Variants in COL5A2 observed in about 807,000 individuals in gnomAD.
COL5A2 encodes collagen alpha-2(V) chain.
A neutral mutation model predicts 208.2 loss-of-function variants in COL5A2; 23 were observed. The ratio of observed to expected loss-of-function variants is 0.11; its 90% CI spans 0.08 to 0.16. The LOEUF (loss-of-function observed/expected upper bound fraction) is 0.16, where lower values mean the gene tolerates loss of function less well. Among genes scored for constraint, COL5A2 ranks in the 10% least tolerant of loss-of-function variants. COL5A2 has a pLI of 1.00. For synonymous variants in COL5A2, 625 were observed against 628.5 expected, an observed-to-expected ratio of 0.99 and a Z score of 0.08; for missense variants, 1,590 against 1,956.4, an observed-to-expected ratio of 0.81 and a Z score of 3.53.
chr2:189,043,108 T>C, intron 48 of COL5A2, 43 bp downstream of exon 48: 1 of 1,440,146 alleles, frequency 6.9e-7, no homozygotes, highest in Non-Finnish European at 9.7e-7. Context: ...TACCCGTGTA[T>C]TTTCAACTAC....
At chr2:189,095,699 C>T (rs1686895435) in intron 6 of COL5A2, 1 of 152,072 alleles carries the variant, frequency 6.6e-6, no homozygotes, top group African/African-American at 2.4e-5. Context: ...CAACTTCTAC[C>T]TAGACTTAGG....
intron 1 of COL5A2, among the ~76,000 whole-genome samples, chr2:189,168,350 T>C (rs1688511364): frequency 6.6e-6 from 1 of 151,622 alleles, no homozygotes; most frequent in Non-Finnish European, 1.5e-5. Flanking sequence ...ACCTCAGAAG[T>C]TTTATGTTTG....
chr2:189,038,691 T>C (rs190382889), intron 51 of COL5A2, among the ~76,000 whole-genome samples: 15 of 124,568 alleles, frequency 1.2e-4, no homozygotes, highest in Middle Eastern at 4.5e-3. Context: ...TGTCAGTATC[T>C]GTTTTGTGAC....
chr2:189,064,286 T>C (rs1686098155), intron 25 of COL5A2, among the ~76,000 whole-genome samples: 1 of 144,308 alleles, frequency 6.9e-6, no homozygotes, highest in Non-Finnish European at 1.5e-5. Flanking sequence ...GTTATAAAAT[T>C]TGACAAACAG....
chr2:189,083,562 A>C (rs919940907), intron 12 of COL5A2, among the ~76,000 whole-genome samples: 3 of 152,170 alleles, frequency 2.0e-5, no homozygotes, highest in African/African-American at 7.2e-5. Context: ...TCTTCAAGCT[A>C]TTATTTAGAC....
At chr2:189,224,858 T>C (rs1689393183) in intron 1 of COL5A2, among the ~76,000 whole-genome samples, 1 of 152,034 alleles carries the variant, frequency 6.6e-6, no homozygotes, top group African/African-American at 2.4e-5. Flanking sequence ...GAGGAAATAC[T>C]TGCAACTTAT....
chr2:189,383,946 T>C, the COL5A2 span, among the ~76,000 whole-genome samples: 1 of 152,096 alleles, frequency 6.6e-6, no homozygotes, highest in Non-Finnish European at 1.5e-5. Flanking sequence ...TAACCATCAT[T>C]CTACTCTTTA....
chr2:189,371,124 A>C, the COL5A2 span, among the ~76,000 whole-genome samples: 2 of 152,032 alleles, frequency 1.3e-5, no homozygotes, highest in African/African-American at 4.8e-5. Context: ...TGCTTTTGCT[A>C]TGAGATGTGC....
chr2:189,185,181 G>A (rs1057219165), intron 1 of COL5A2, among the ~76,000 whole-genome samples: 4 of 151,848 alleles, frequency 2.6e-5, no homozygotes, highest in Non-Finnish European at 5.9e-5. Flanking sequence ...GCACCACTAC[G>A]CCTGGCTAAT....
chr2:189,382,448 A>T, the COL5A2 span, among the ~76,000 whole-genome samples: 4 of 152,222 alleles, frequency 2.6e-5, no homozygotes, highest in Non-Finnish European at 5.9e-5. Flanking sequence ...TTATTCAAGT[A>T]GTTAAAGATC....
intron 1 of COL5A2, among the ~76,000 whole-genome samples, chr2:189,186,208 G>C (rs1203397453): frequency 6.6e-6 from 1 of 151,896 alleles, no homozygotes; most frequent in East Asian, 1.9e-4. Flanking sequence ...TCTTGCACAG[G>C]CTGGTTTCGA....
intron 1 of COL5A2, among the ~76,000 whole-genome samples, chr2:189,126,739 G>A (rs1381151506): frequency 6.6e-6 from 1 of 152,130 alleles, no homozygotes; most frequent in Non-Finnish European, 1.5e-5. Context: ...AGTGTGCCAT[G>A]TAGGGGATTT....
chr2:189,048,201 G>A lies in COL5A2; in HGVS notation c.3201+8C>T. 6.2e-7 allele frequency: 1 copy of A among 1,612,210 alleles called. No homozygotes were observed. Among genetic ancestry groups the A allele is most frequent in the Non-Finnish European group, 8.5e-7 (1 of 1,178,352 alleles). On this transcript the variant is annotated splice_region_variant and intron_variant, in intron 45 of 53. Coordinates refer to ENST00000374866, the MANE Select transcript of COL5A2 (RefSeq NM_000393.5). ...TTTAGATTTTATAATAAGTGAAATG[G>A]CTCTTACACGTTCTCCAACAGCACC...
At chr2:189,350,510 C>G in the COL5A2 span, among the ~76,000 whole-genome samples, 498 of 152,264 alleles carry the variant, frequency 3.3e-3, 3 homozygotes, top group African/African-American at 0.011. Context: ...TTCATCCCTA[C>G]TATTCCAAGC....
Position 189,178,216 on chromosome 2 carries a change from C to T in COL5A2, c.97+1292G>A, listed in dbSNP as rs1688713143. On this transcript the variant is annotated intron_variant, in intron 1 of 53. Transcript: ENST00000374866. Reference sequence around the variant, plus strand: ...AAAAAGCTCCAAGTCTTAGAAAGTGCCCCCTCTATGGGACTCCTGACAGAT... The same window carrying T: ...AAAAAGCTCCAAGTCTTAGAAAGTGTCCCCTCTATGGGACTCCTGACAGAT... Among the ~76,000 whole-genome samples the T allele has an allele frequency of 2.0e-5, 3 of 152,084 alleles. No homozygotes were observed. The South Asian group carries it at 6.2e-4, about 32-fold the overall frequency.
Position 189,051,342 on chromosome 2 carries a change from T to A in COL5A2, c.2909A>T (p.Asp970Val). The A allele has an allele frequency of 6.2e-7, 1 of 1,614,064 alleles. No individual in the cohort carries two copies. The highest frequency in any genetic ancestry group is 8.5e-7 in the Non-Finnish European group (1 of 1,179,986). The change falls in exon 42 of 54, where the codon GAC (aspartate) becomes GTC (valine). Residue 970 changes from aspartate (D) to valine (V), a missense_variant. Coordinates refer to ENST00000374866, the MANE Select transcript of COL5A2 (RefSeq NM_000393.5). ...TACAGGTTGCCCATCTTCTCCTGGG[T>A]CCCCTTTGTCTCCTGGGCCACCAGG... ...GPPGGPGDKG[D>V]PGEDGQPGPD...
At chr2:189,183,255 C>G (rs1688805990), upstream of COL5A2, among the ~76,000 whole-genome samples, 1 of 152,146 alleles carries the variant, frequency 6.6e-6, no homozygotes, top group South Asian at 2.1e-4. Context: ...GAAACTCTTT[C>G]CATTCATGGC....
At chr2:189,433,610 C>T in the COL5A2 span, among the ~76,000 whole-genome samples, 3 of 152,134 alleles carry the variant, frequency 2.0e-5, no homozygotes, top group Non-Finnish European at 2.9e-5. Flanking sequence ...TGGACACATA[C>T]ACCCTCCCAA....
chr2:189,431,019 T>C, the COL5A2 span, among the ~76,000 whole-genome samples: 1 of 152,182 alleles, frequency 6.6e-6, no homozygotes, highest in Non-Finnish European at 1.5e-5. Context: ...ATATTTGCTG[T>C]TCTGCAGCCT....
Sources: allele counts gnomAD v4.1 joint callset (sites outside exome capture counted in the v4.1 genomes callset), GRCh38; gene constraint gnomAD v4.1.1; transcripts MANE v1.5; gene names NCBI Gene and HGNC (gene_info 2026-07-23, HGNC 2026-07-21).